The following CSMD1 variants were observed in gnomAD, a reference collection of about 807,000 sequenced individuals.
CSMD1 encodes CUB and sushi domain-containing protein 1.
CSMD1 carries 213 observed loss-of-function variants against 417.5 expected under a neutral mutation model. The observed-to-expected ratio is 0.51, with a 90% confidence interval of 0.46 to 0.57. The LOEUF (loss-of-function observed/expected upper bound fraction) is 0.57. Ranked by LOEUF, CSMD1 falls within the 20% of genes least tolerant of loss-of-function variation. The pLI, the probability that CSMD1 is intolerant of heterozygous loss-of-function variation, is 0.00. For missense variants in CSMD1, 6,923 were observed against 4,529.7 expected (o/e 1.53, Z -15.17); for synonymous variants, 2,862 against 1,736.8 (o/e 1.65, Z -16.11).
intron 3 of CSMD1, among the ~76,000 whole-genome samples, chr8:4,327,223 G>C (rs1585239218): frequency 6.6e-6 from 1 of 152,124 alleles, no homozygotes; most frequent in African/African-American, 2.4e-5. Flanking sequence ...AAATGATATA[G>C]CTTAGTTTTC....
At chr8:3,800,193 C>G (rs1308558081) in intron 5 of CSMD1, among the ~76,000 whole-genome samples, 4 of 152,042 alleles carry the variant, frequency 2.6e-5, no homozygotes, top group African/African-American at 9.7e-5. Flanking sequence ...GAAAATTCAG[C>G]AGAGAGCAGA....
At chr8:3,223,344 C>A (rs181089853) in intron 28 of CSMD1, among the ~76,000 whole-genome samples, 2 of 152,200 alleles carry the variant, frequency 1.3e-5, no homozygotes, top group East Asian at 3.9e-4. Context: ...CCCTCAGGAA[C>A]GTCAGGATGT....
intron 3 of CSMD1, among the ~76,000 whole-genome samples, chr8:4,401,477 G>C (rs748159907): frequency 1.3e-5 from 2 of 152,068 alleles, no homozygotes; most frequent in Non-Finnish European, 2.9e-5. Flanking sequence ...GGCCCAAGCA[G>C]CACCATCCCC....
chr8:3,220,598 T>C (rs1798151034), intron 28 of CSMD1, among the ~76,000 whole-genome samples: 1 of 152,138 alleles, frequency 6.6e-6, no homozygotes, highest in Non-Finnish European at 1.5e-5. Context: ...TTTGGGAGGC[T>C]GAGGCAGGCA....
At chr8:3,889,483 A>G (rs1563181267) in intron 5 of CSMD1, among the ~76,000 whole-genome samples, 1 of 113,622 alleles carries the variant, frequency 8.8e-6, no homozygotes, top group Non-Finnish European at 1.8e-5. Flanking sequence ...ATATATATAT[A>G]TATATATATA....
chr8:2,984,707 G>C (rs1302302341), intron 54 of CSMD1, among the ~76,000 whole-genome samples: 1 of 152,212 alleles, frequency 6.6e-6, no homozygotes, highest in Non-Finnish European at 1.5e-5. Context: ...AATAGAAGTT[G>C]TCAGAGACAC....
intron 5 of CSMD1, among the ~76,000 whole-genome samples, chr8:3,826,726 T>C (rs182893032): frequency 7.9e-5 from 12 of 152,292 alleles, no homozygotes; most frequent in Admixed American, 1.3e-4. Flanking sequence ...AAGAAAGAGT[T>C]TGTACTGAAT....
At chr8:4,282,963 A>T (rs1215880277) in intron 3 of CSMD1, among the ~76,000 whole-genome samples, 1 of 152,132 alleles carries the variant, frequency 6.6e-6, no homozygotes, top group Non-Finnish European at 1.5e-5. Context: ...TTTCAGTCTC[A>T]TATATTCTTA....
At chr8:3,128,776 A>C (rs1299236804) in intron 41 of CSMD1, 1 of 426,168 alleles carries the variant, frequency 2.3e-6, no homozygotes, top group Admixed American at 3.0e-5. Context: ...ATGGCGTACA[A>C]TAAAAAACAT....
chr8:4,202,460 G>A (rs953117440), intron 3 of CSMD1, among the ~76,000 whole-genome samples: 1 of 152,152 alleles, frequency 6.6e-6, no homozygotes, highest in Non-Finnish European at 1.5e-5. Context: ...GTTTCATTAC[G>A]TAAGTTTTAA....
chr8:3,544,224 G>C (rs1798562576), intron 10 of CSMD1, among the ~76,000 whole-genome samples: 1 of 152,098 alleles, frequency 6.6e-6, no homozygotes, highest in Admixed American at 6.6e-5. Context: ...TTACTAAACA[G>C]ACCCAAAATT....
chr8:4,989,974 C>T (rs1811376920), intron 1 of CSMD1, among the ~76,000 whole-genome samples: 1 of 152,168 alleles, frequency 6.6e-6, no homozygotes, highest in Admixed American at 6.5e-5. Flanking sequence ...AGCTTCAGCA[C>T]TGTGGTTGTG....
chr8:4,606,197 C>T (rs1053935057), intron 2 of CSMD1, among the ~76,000 whole-genome samples: 4 of 152,174 alleles, frequency 2.6e-5, no homozygotes, highest in Non-Finnish European at 5.9e-5. Flanking sequence ...GCACTCCACT[C>T]AGCACGCCTT....
intron 3 of CSMD1, among the ~76,000 whole-genome samples, chr8:4,337,873 G>C (rs1221518975): frequency 6.6e-6 from 1 of 152,038 alleles, no homozygotes; most frequent in Non-Finnish European, 1.5e-5. Flanking sequence ...AGTAAAAATA[G>C]GCATTTTCTT....
intron 5 of CSMD1, among the ~76,000 whole-genome samples, chr8:3,875,537 G>A (rs1243380189): frequency 6.6e-6 from 1 of 152,136 alleles, no homozygotes; most frequent in Admixed American, 6.5e-5. Flanking sequence ...CGGCATGGAA[G>A]AAGGAAAGCA....
At chr8:4,021,982 G>A (rs780521064) in intron 4 of CSMD1, among the ~76,000 whole-genome samples, 8 of 151,752 alleles carry the variant, frequency 5.3e-5, no homozygotes, top group Non-Finnish European at 7.4e-5. Flanking sequence ...GCCTAGGAAA[G>A]GATAGTTAGG....
intron 3 of CSMD1, among the ~76,000 whole-genome samples, chr8:4,040,507 T>A (rs577172715): frequency 1.3e-5 from 2 of 152,292 alleles, no homozygotes; most frequent in African/African-American, 2.4e-5. Flanking sequence ...CTCTTTCATA[T>A]GAAAATGTGG....
At chr8:4,884,136 G>C (rs1228456743) in intron 1 of CSMD1, among the ~76,000 whole-genome samples, 1 of 152,002 alleles carries the variant, frequency 6.6e-6, no homozygotes, top group Admixed American at 6.6e-5. Context: ...TGGGATCAAT[G>C]TCTATTCACA....
chr8:3,541,669 G>C (rs1335220384), intron 10 of CSMD1, among the ~76,000 whole-genome samples: 2 of 149,208 alleles, frequency 1.3e-5, no homozygotes, highest in Non-Finnish European at 3.0e-5. Flanking sequence ...TATTTTATTT[G>C]GACACCCTAT....
Sources: allele counts gnomAD v4.1 joint callset (sites outside exome capture counted in the v4.1 genomes callset), GRCh38; gene constraint gnomAD v4.1.1; transcripts MANE v1.5; gene names NCBI Gene and HGNC (gene_info 2026-07-23, HGNC 2026-07-21).